The following RPS5 variants were observed in gnomAD, a reference collection of about 807,000 sequenced individuals.
The protein encoded by RPS5 is small ribosomal subunit protein uS7.
Under a neutral mutation model 20.9 loss-of-function variants are expected in RPS5, and 2 were observed. That is an observed-to-expected ratio of 0.10 (90% CI 0.04 to 0.30). RPS5 has a LOEUF of 0.30. Among genes scored for constraint, RPS5 ranks in the 10% least tolerant of loss-of-function variants. The probability of loss-of-function intolerance (pLI) is 1.00; values close to 1 mark genes in which losing one functional copy is unlikely to be tolerated. For missense variants in RPS5, 122 were observed against 287.2 expected (o/e 0.42, Z 4.16); for synonymous variants, 112 against 105.8 (o/e 1.06, Z -0.36).
chr19:58,394,553 C>G lies in RPS5; in HGVS notation c.504C>G (p.Thr168=), dbSNP rs774049229. ...AGGCTGCCTTCCGGAACATTAAGAC[C>G]ATTGCTGAGTGCCTGGCAGATGAGC... ...AREAAFRNIK[T]IAECLADELI... is the part of the protein sequence containing the mutation. Residue 168 remains threonine, a synonymous_variant, in exon 5 of 6, where the codon ACC becomes ACG. Coordinates refer to ENST00000196551, the MANE Select transcript of RPS5 (RefSeq NM_001009.4). The G allele has an allele frequency of 1.1e-5, 17 of 1,613,986 alleles. No individual in the cohort carries two copies. In the South Asian group the frequency reaches 1.9e-4, roughly 18 times the overall value.
intron 2 of RPS5, among the ~76,000 whole-genome samples, chr19:58,390,676 C>T (rs989077409): frequency 6.6e-6 from 1 of 151,890 alleles, no homozygotes; most frequent in Admixed American, 6.6e-5. Flanking sequence ...ATCTATTAAA[C>T]GTTTGTTAAG....
chr19:58,393,667 C>G (rs896999305), intron 4 of RPS5, 180 bp downstream of exon 4: 1 of 692,732 alleles, frequency 1.4e-6, no homozygotes, highest in South Asian at 2.0e-5. Context: ...GGGTCCTCTT[C>G]GGGAACACAT....
At chr19:58,393,807 G>A (rs2052379601) in intron 4 of RPS5, 4 of 289,602 alleles carry the variant, frequency 1.4e-5, no homozygotes, top group Non-Finnish European at 2.6e-5. Flanking sequence ...CCTGAACACT[G>A]CAGGTGTCTT....
intron 2 of RPS5, among the ~76,000 whole-genome samples, chr19:58,389,493 C>T (rs140264304): frequency 6.6e-6 from 1 of 152,304 alleles, no homozygotes; most frequent in East Asian, 1.9e-4. Context: ...TGTCAGGGGA[C>T]TTAGGCACTA....
At chr19:58,388,404 C>T (rs766599120) in intron 2 of RPS5, 159 bp downstream of exon 2, 18 of 619,610 alleles carry the variant, frequency 2.9e-5, no homozygotes, top group Middle Eastern at 3.2e-4. Context: ...TCTGCTCTTA[C>T]GTCCTGTTCA....
At chr19:58,389,438 C>CTT (rs1390853527) in intron 2 of RPS5, among the ~76,000 whole-genome samples, 5 of 149,808 alleles carry the variant, frequency 3.3e-5, no homozygotes, top group African/African-American at 1.3e-4. Flanking sequence ...AACCTGCTAC[C>CTT]TTTTGTTTTA....
intron 1 of RPS5, chr19:58,387,574 G>C (rs2122153748): frequency 6.5e-6 from 1 of 152,972 alleles, no homozygotes; most frequent in Middle Eastern, 3.4e-3. Context: ...GTTGTACTCT[G>C]AGATAGGAAG....
At chr19:58,389,371 C>T (rs994187645) in intron 2 of RPS5, among the ~76,000 whole-genome samples, 7 of 151,714 alleles carry the variant, frequency 4.6e-5, no homozygotes, top group Non-Finnish European at 1.0e-4. Context: ...CACCTGGGCT[C>T]AGGGGATCTT....
intron 2 of RPS5, among the ~76,000 whole-genome samples, chr19:58,391,978 G>C (rs201109617): frequency 6.6e-6 from 1 of 152,204 alleles, no homozygotes; most frequent in East Asian, 1.9e-4. Context: ...TTGGTTTCCT[G>C]TCTTAGAGAA....
chr19:58,389,503 A>G (rs2052349778), intron 2 of RPS5, among the ~76,000 whole-genome samples: 1 of 152,202 alleles, frequency 6.6e-6, no homozygotes, highest in South Asian at 2.1e-4. Context: ...CTTAGGCACT[A>G]TGCCTAATGG....
intron 2 of RPS5, among the ~76,000 whole-genome samples, chr19:58,392,530 C>G (rs2052370375): frequency 6.6e-6 from 1 of 151,644 alleles, no homozygotes; most frequent in South Asian, 2.1e-4. Flanking sequence ...GAGGTTGAGG[C>G]AGGAGAACCA....
Position 58,394,757 on chromosome 19 carries a change from C to T in RPS5, c.*7C>T, listed in dbSNP as rs759945529. The stretch of plus-strand genomic sequence containing the variant: ...GGCCAAGTCCAACCGCTGATTTTCC[C>T]AGCTGCTGCCCAATAAACCTGTCTG... On this transcript the variant is annotated 3_prime_UTR_variant, in exon 6 of 6. Coordinates refer to ENST00000196551, the MANE Select transcript of RPS5 (RefSeq NM_001009.4). 1.9e-6 allele frequency: 3 copies of T among 1,613,946 alleles called. No individual in the cohort carries two copies. Among genetic ancestry groups the T allele is most frequent in the Non-Finnish European group, 2.5e-6 (3 of 1,179,970 alleles).
intron 2 of RPS5, among the ~76,000 whole-genome samples, chr19:58,391,090 A>T (rs562175723): frequency 4.6e-4 from 70 of 152,246 alleles, no homozygotes; most frequent in African/African-American, 8.4e-4. Flanking sequence ...GCATTTTTCT[A>T]GATTTTTGTG....
At chr19:58,388,919 G>A (rs899430492) in intron 2 of RPS5, among the ~76,000 whole-genome samples, 3 of 152,068 alleles carry the variant, frequency 2.0e-5, no homozygotes, top group African/African-American at 7.2e-5. Context: ...GTGAGCCACC[G>A]CGCCCGGCCC....
In RPS5 at chr19:58,394,531, C is replaced by T; in HGVS notation, c.482C>T (p.Ala161Val). The change falls in exon 5 of 6, where the codon GCT (alanine) becomes GTT (valine). Residue 161 changes from alanine to valine, a missense_variant. Coordinates refer to ENST00000196551, the MANE Select transcript of RPS5 (RefSeq NM_001009.4). ...IWLLCTGARE[A>V]AFRNIKTIAE... ...CTGCTGTGCACAGGCGCTCGTGAGG[C>T]TGCCTTCCGGAACATTAAGACCATT... The T allele has an allele frequency of 6.2e-7, 1 of 1,614,162 alleles. No individual in the cohort carries two copies. Among genetic ancestry groups the T allele is most frequent in the Non-Finnish European group, 8.5e-7 (1 of 1,180,030 alleles).
At chr19:58,390,669 T>A (rs1281673121) in intron 2 of RPS5, among the ~76,000 whole-genome samples, 1 of 151,938 alleles carries the variant, frequency 6.6e-6, no homozygotes, top group Non-Finnish European at 1.5e-5. Context: ...CTCCTTGATC[T>A]ATTAAACGTT....
At chr19:58,387,857 G>C in intron 1 of RPS5, 1 of 463,982 alleles carries the variant, frequency 2.2e-6, no homozygotes, top group South Asian at 2.4e-5. Flanking sequence ...AGGACGTATG[G>C]CATCTGCTGA....
chr19:58,392,009 C>T (rs1028313595), intron 2 of RPS5, among the ~76,000 whole-genome samples: 3 of 152,142 alleles, frequency 2.0e-5, no homozygotes, highest in African/African-American at 7.2e-5. Context: ...TGCCTGGATA[C>T]ATTTTTAGAT....
At chr19:58,393,509 G>T (rs371877122) in intron 4 of RPS5, 22 bp downstream of exon 4, 1 of 1,597,526 alleles carries the variant, frequency 6.3e-7, no homozygotes, top group Non-Finnish European at 8.5e-7. Flanking sequence ...GCTTATGCAC[G>T]TGGCAGGGTG....
Sources: allele counts gnomAD v4.1 joint callset (sites outside exome capture counted in the v4.1 genomes callset), GRCh38; gene constraint gnomAD v4.1.1; transcripts MANE v1.5; gene names NCBI Gene and HGNC (gene_info 2026-07-23, HGNC 2026-07-21).